The following DRICH1 variants were observed in gnomAD, a reference collection of about 807,000 sequenced individuals.
The protein encoded by DRICH1 is aspartate-rich protein 1.
A neutral mutation model predicts 39.5 loss-of-function variants in DRICH1; 38 were observed. The observed-to-expected ratio is 0.96, with a 90% CI of 0.74 to 1.26. The LOEUF (loss-of-function observed/expected upper bound fraction) is 1.26, where lower values mean the gene tolerates loss of function less well. Ranked by LOEUF, DRICH1 falls within the 50% of genes most tolerant of loss-of-function variation. The pLI, the probability that DRICH1 is intolerant of heterozygous loss-of-function variation, is 0.00. For synonymous variants in DRICH1, 84 were observed against 99.5 expected, an observed-to-expected ratio of 0.84 and a Z score of 0.93; for missense variants, 279 against 270.4, an observed-to-expected ratio of 1.03 and a Z score of -0.22.
chr22:23,590,509 C>T, the DRICH1 span, among the ~76,000 whole-genome samples: 1 of 152,026 alleles, frequency 6.6e-6, no homozygotes, highest in African/African-American at 2.4e-5. Flanking sequence ...AACTCCTGAG[C>T]TCAAAGTGAT....
intron 9 of DRICH1, 62 bp downstream of exon 9, chr22:23,614,073 T>C (rs545971120): frequency 4.5e-6 from 5 of 1,110,086 alleles, no homozygotes; most frequent in Admixed American, 1.8e-5. Context: ...CAAAATTAAT[T>C]GAGAAATAAA....
At chr22:23,600,510 G>C in the DRICH1 span, among the ~76,000 whole-genome samples, 1 of 152,140 alleles carries the variant, frequency 6.6e-6, no homozygotes, top group East Asian at 1.9e-4. Context: ...GTGATCTTGA[G>C]ACCCTGTCTA....
intron 11 of DRICH1, among the ~76,000 whole-genome samples, chr22:23,609,456 T>G (rs1029786453): frequency 6.6e-6 from 1 of 152,188 alleles, no homozygotes; most frequent in African/African-American, 2.4e-5. Context: ...AGCAGGCATC[T>G]GAGGGAGCCT....
intron 11 of DRICH1, among the ~76,000 whole-genome samples, chr22:23,612,639 C>G (rs1927107813): frequency 6.6e-6 from 1 of 152,104 alleles, no homozygotes; most frequent in Non-Finnish European, 1.5e-5. Context: ...GAAGCCACAT[C>G]TCAGAATCTG....
At chr22:23,592,080 A>G in the DRICH1 span, among the ~76,000 whole-genome samples, 3 of 152,338 alleles carry the variant, frequency 2.0e-5, no homozygotes, top group East Asian at 5.8e-4. Context: ...AGCGGAAGGC[A>G]TGTTCAGGGA....
Position 23,608,501 on chromosome 22 carries a change from G to A in DRICH1, c.*263C>T, listed in dbSNP as rs886495664. The A allele has an allele frequency of 2.2e-5, 11 of 503,502 alleles. No individual in the cohort carries two copies. Among genetic ancestry groups the A allele is most frequent in the South Asian group, 3.7e-5 (1 of 27,288 alleles). The allele number at this position is 503,502 out of a possible 1,614,324, so 31.2% of individuals were successfully genotyped here. ...CAAGTGGGAATGGCACTTTCTGCTC[G>A]TGGAGCACAGTCACGTCTCTTCTCA... On this transcript the variant is annotated 3_prime_UTR_variant, in exon 12 of 12. Coordinates refer to ENST00000317749, the MANE Select transcript of DRICH1 (RefSeq NM_016449.4).
the DRICH1 span, among the ~76,000 whole-genome samples, chr22:23,600,632 C>T: frequency 2.7e-5 from 4 of 149,234 alleles, no homozygotes; most frequent in African/African-American, 9.9e-5. Context: ...TATGTCCCCA[C>T]CCCCACTAGC....
chr22:23,586,494 A>G, the DRICH1 span, among the ~76,000 whole-genome samples: 2 of 152,300 alleles, frequency 1.3e-5, no homozygotes, highest in African/African-American at 4.8e-5. Context: ...GTTTCAAAAG[A>G]AAACCAAAAA....
At chr22:23,606,764 G>A (rs17002796), downstream of DRICH1, among the ~76,000 whole-genome samples, 3,638 of 152,276 alleles carry the variant, frequency 0.024, 157 homozygotes, top group African/African-American at 0.083. Flanking sequence ...TGCTACGGCA[G>A]ATGCCCCCTG....
At chr22:23,629,788 T>C (rs1299913634) in intron 1 of DRICH1, among the ~76,000 whole-genome samples, 4 of 151,982 alleles carry the variant, frequency 2.6e-5, no homozygotes, top group Non-Finnish European at 5.9e-5. Flanking sequence ...CAGCTAATTT[T>C]TGTATTTTTA....
chr22:23,584,537 G>A, the DRICH1 span, among the ~76,000 whole-genome samples: 2 of 152,138 alleles, frequency 1.3e-5, no homozygotes, highest in Non-Finnish European at 2.9e-5. Flanking sequence ...AAGTTTTCAG[G>A]GTCACTGGAA....
chr22:23,596,370 C>T, the DRICH1 span, among the ~76,000 whole-genome samples: 1 of 152,190 alleles, frequency 6.6e-6, no homozygotes, highest in African/African-American at 2.4e-5. Flanking sequence ...AAGGACCCTC[C>T]CACCTCAGCT....
chr22:23,614,189 T>C lies in DRICH1; in HGVS notation c.567A>G (p.Leu189=). ...VQACSEDSLF[L]RCSLRHKDEE... Reference sequence around the variant, plus strand: ...CATCTTTGTGTCTCAGTGAGCATCTTAAAAACAGGCTATCTTCAGAACAAG... The same window carrying C: ...CATCTTTGTGTCTCAGTGAGCATCTCAAAAACAGGCTATCTTCAGAACAAG... The change falls in exon 9 of 12, where the codon TTA becomes TTG. Residue 189 remains leucine, a synonymous_variant. Transcript: ENST00000317749. 1 of 1,613,816 alleles carries C rather than the reference T, an allele frequency of 6.2e-7. No individual in the cohort carries two copies. The highest frequency in any genetic ancestry group is 8.5e-7 in the Non-Finnish European group (1 of 1,179,684).
chr22:23,598,271 T>C, the DRICH1 span, among the ~76,000 whole-genome samples: 4,443 of 148,968 alleles, frequency 0.03, 168 homozygotes, highest in South Asian at 0.075. Context: ...GAGGGAAAGG[T>C]ACTTGCCCAG....
intron 10 of DRICH1, 69 bp from the exon 11 acceptor site, chr22:23,613,399 TAGCTGAAGCTGAGTGATGAGCTAGTCTCC>T (rs1927161068): frequency 2.3e-6 from 3 of 1,311,334 alleles, no homozygotes; most frequent in Non-Finnish European, 2.2e-6. Flanking sequence ...TACTTTACTT[TAGCTGAAGCTGAGTGATGAGCTAGTCTCC>T]CACTCCATGC....
the DRICH1 span, among the ~76,000 whole-genome samples, chr22:23,584,103 G>T: frequency 6.6e-6 from 1 of 152,184 alleles, no homozygotes; most frequent in South Asian, 2.1e-4. Context: ...GACCCTGCGG[G>T]GCTGGGCTGG....
intron 11 of DRICH1, among the ~76,000 whole-genome samples, chr22:23,610,719 C>A (rs1252906587): frequency 1.3e-5 from 2 of 152,142 alleles, no homozygotes; most frequent in African/African-American, 4.8e-5. Context: ...GAACTTCATA[C>A]AAAACTCTAC....
In DRICH1 at chr22:23,622,085, T is replaced by C. The variant is rs116393922; in HGVS notation, c.384+6A>G. 2.4e-4 allele frequency: 384 copies of C among 1,610,314 alleles called. 2 individuals carry two copies. In the African/African-American group the frequency reaches 4.5e-3, roughly 19 times the overall value. On this transcript the variant is annotated splice_donor_region_variant and intron_variant, in intron 4 of 11. Transcript: ENST00000317749. ...TTCCTTAGAAGACAAAGAAAGATTGTCTTACCTGGGCATCATCATCATCAT... is the reference window on the plus strand; with the variant it reads ...TTCCTTAGAAGACAAAGAAAGATTGCCTTACCTGGGCATCATCATCATCAT...
intron 3 of DRICH1, among the ~76,000 whole-genome samples, chr22:23,623,214 G>T (rs565700717): frequency 2.0e-3 from 301 of 152,054 alleles, no homozygotes; most frequent in Middle Eastern, 0.014. Context: ...AGACCATCCC[G>T]GCCAACATGG....
Sources: gnomAD v4.1 joint callset for allele counts (sites outside exome capture counted in the v4.1 genomes callset) on GRCh38, gnomAD v4.1.1 for gene constraint, MANE v1.5 for transcripts, NCBI Gene and HGNC (gene_info 2026-07-23, HGNC 2026-07-21) for gene names.